The following CCDC149 variants were observed in gnomAD, a reference collection of about 807,000 sequenced individuals.
CCDC149 encodes coiled-coil domain containing 149, also known as coiled-coil domain-containing protein 149.
A neutral mutation model predicts 59.9 loss-of-function variants in CCDC149; 45 were observed. The observed-to-expected ratio is 0.75, with a 90% CI of 0.59 to 0.96. The LOEUF (loss-of-function observed/expected upper bound fraction) is 0.96. Among genes scored for constraint, CCDC149 ranks in the 40% least tolerant of loss-of-function variants. The pLI, the probability that CCDC149 is intolerant of heterozygous loss-of-function variation, is 0.00. For missense variants in CCDC149, 584 were observed against 664.7 expected (o/e 0.88, Z 1.33); for synonymous variants, 245 against 260.6 (o/e 0.94, Z 0.58).
intron 1 of CCDC149, among the ~76,000 whole-genome samples, chr4:24,920,331 G>A (rs971916348): frequency 6.6e-6 from 1 of 152,234 alleles, no homozygotes; most frequent in Admixed American, 6.5e-5. Context: ...TTGGCTGGGA[G>A]CTTAGCTGAG....
chr4:24,944,307 CCAAA>C (rs895726246), intron 1 of CCDC149, among the ~76,000 whole-genome samples: 6 of 151,914 alleles, frequency 3.9e-5, no homozygotes, highest in Admixed American at 1.3e-4. Flanking sequence ...GGACTAAAAA[CCAAA>C]CACCGCATGT....
At position 24,890,330 on chromosome 4, in the gene CCDC149, C is replaced by T. The variant is rs147911776; in HGVS notation, c.64-13633G>A. Among the ~76,000 whole-genome samples, 959 of 152,158 alleles carry T rather than the reference C, an allele frequency of 6.3e-3. 18 individuals are homozygous for T. Among genetic ancestry groups the T allele is most frequent in the African/African-American group, 0.021 (887 of 41,494 alleles). ...AAACATCATTACCCCCCTTTACAGG[C>T]GAAGAAACTAAGGCTCTAAGAGTTT... On this transcript the variant is annotated intron_variant, in intron 1 of 12. Coordinates refer to ENST00000635206, the MANE Select transcript of CCDC149 (RefSeq NM_001330643.2).
intron 1 of CCDC149, among the ~76,000 whole-genome samples, chr4:24,893,529 T>C (rs2109290593): frequency 6.7e-6 from 1 of 149,984 alleles, no homozygotes; most frequent in South Asian, 2.1e-4. Context: ...GACACAAAAG[T>C]AAGTAAGCAG....
In CCDC149 at chr4:24,849,543, T is replaced by C. The variant is rs1455125788; in HGVS notation, c.372+3529A>G. Among the ~76,000 whole-genome samples, 3 of 152,170 alleles carry C rather than the reference T, an allele frequency of 2.0e-5. No individual in the cohort carries two copies. The East Asian group carries it at 5.8e-4, about 29-fold the overall frequency. The stretch of plus-strand genomic sequence containing the variant: ...CACAAGAACGCTGCCCCCTGCCCCA[T>C]GTGAGAGCTAAGCTGCTTGGAAGCC... On this transcript the variant is annotated intron_variant, in intron 4 of 12. Transcript: ENST00000635206.
chr4:24,948,311 C>T (rs762882529), intron 1 of CCDC149, among the ~76,000 whole-genome samples: 4 of 152,208 alleles, frequency 2.6e-5, no homozygotes, highest in Non-Finnish European at 5.9e-5. Context: ...CTACCTCAAT[C>T]TCCACCCTTG....
intron 1 of CCDC149, among the ~76,000 whole-genome samples, chr4:24,884,738 C>T (rs1720054725): frequency 6.6e-6 from 1 of 152,192 alleles, no homozygotes; most frequent in Admixed American, 6.5e-5. Flanking sequence ...AAGATATTTA[C>T]AGCATCTTCG....
At chr4:24,954,360 C>A (rs1335388845) in intron 1 of CCDC149, among the ~76,000 whole-genome samples, 1 of 152,206 alleles carries the variant, frequency 6.6e-6, no homozygotes, top group Non-Finnish European at 1.5e-5. Context: ...GCCCTGCCCC[C>A]AAGACTCCAC....
At chr4:24,853,345 A>G in intron 3 of CCDC149, 166 bp from the exon 4 acceptor site, 1 of 608,824 alleles carries the variant, frequency 1.6e-6, no homozygotes, top group South Asian at 2.0e-5. Context: ...TCACACCACT[A>G]CAATGGCACG....
At chr4:24,895,835 C>T (rs1235621160) in intron 1 of CCDC149, among the ~76,000 whole-genome samples, 2 of 152,214 alleles carry the variant, frequency 1.3e-5, no homozygotes, top group Non-Finnish European at 2.9e-5. Context: ...TGACCTGACC[C>T]CACTCTTGAG....
At chr4:24,914,678 TCA>T (rs1019580732), upstream of CCDC149, among the ~76,000 whole-genome samples, 7 of 149,762 alleles carry the variant, frequency 4.7e-5, no homozygotes, top group Non-Finnish European at 1.0e-4. Context: ...ACTAGCTGAC[TCA>T]CAGCATCACA....
intron 1 of CCDC149, among the ~76,000 whole-genome samples, chr4:24,894,126 A>G (rs1227509068): frequency 6.6e-6 from 1 of 152,206 alleles, no homozygotes; most frequent in Non-Finnish European, 1.5e-5. Flanking sequence ...TGAAAGTCAT[A>G]TGTCAAGCAT....
intron 1 of CCDC149, among the ~76,000 whole-genome samples, chr4:24,964,208 A>T (rs886724980): frequency 7.4e-6 from 1 of 134,684 alleles, no homozygotes; most frequent in Non-Finnish European, 1.7e-5. Context: ...AAAAAAAAAA[A>T]AAAGAGCCAA....
intron 1 of CCDC149, among the ~76,000 whole-genome samples, chr4:24,891,847 A>T (rs1054182898): frequency 6.6e-6 from 1 of 151,934 alleles, no homozygotes; most frequent in Non-Finnish European, 1.5e-5. Context: ...ATTTTTTTTT[A>T]AATTAGCTGG....
intron 1 of CCDC149, among the ~76,000 whole-genome samples, chr4:24,910,891 A>G (rs1721833322): frequency 6.6e-6 from 1 of 152,198 alleles, no homozygotes; most frequent in Non-Finnish European, 1.5e-5. Context: ...AAAATGCTTA[A>G]TATGAAGGAT....
chr4:24,925,225 T>G (rs550915661), intron 1 of CCDC149, among the ~76,000 whole-genome samples: 1 of 152,224 alleles, frequency 6.6e-6, no homozygotes, highest in Non-Finnish European at 1.5e-5. Context: ...GCATTGGTGG[T>G]CACTTGTCCA....
intron 1 of CCDC149, among the ~76,000 whole-genome samples, chr4:24,907,838 G>A (rs1721622894): frequency 6.6e-6 from 1 of 152,174 alleles, no homozygotes; most frequent in Admixed American, 6.5e-5. Flanking sequence ...CCCCAGTGAG[G>A]CTCTCAGGGA....
Position 24,822,578 on chromosome 4 carries a change from A to T in CCDC149, c.966-5T>A. 1 of 1,529,590 alleles carries T rather than the reference A, an allele frequency of 6.5e-7. No homozygotes were observed. Among genetic ancestry groups the T allele is most frequent in the Non-Finnish European group, 8.8e-7 (1 of 1,137,944 alleles). The allele number at this position is 1,529,590 out of a possible 1,614,324, so 94.8% of individuals were successfully genotyped here. A position where few individuals can be genotyped will look rare whatever the true frequency, so the allele number is the denominator to read the frequency against. The stretch of plus-strand genomic sequence containing the variant: ...GCCACCCGATTCCCTAGGATTCTGA[A>T]AAAAGGGGAGAAAATGACAATCAAT... On this transcript the variant is annotated splice_polypyrimidine_tract_variant and splice_region_variant and intron_variant, in intron 9 of 12. Coordinates refer to ENST00000635206, the MANE Select transcript of CCDC149 (RefSeq NM_001330643.2).
chr4:24,873,571 G>C (rs1719192977), intron 3 of CCDC149, 110 bp downstream of exon 3: 1 of 796,942 alleles, frequency 1.3e-6, no homozygotes, highest in Admixed American at 2.2e-5. Flanking sequence ...CCCAATAACA[G>C]AAAGAATTCC....
chr4:24,927,848 A>C (rs924310980), intron 1 of CCDC149, among the ~76,000 whole-genome samples: 3 of 151,764 alleles, frequency 2.0e-5, no homozygotes, highest in Admixed American at 2.0e-4. Flanking sequence ...CAGGGGATAT[A>C]TATATGCTTG....
Sources: allele counts gnomAD v4.1 joint callset (sites outside exome capture counted in the v4.1 genomes callset), GRCh38; gene constraint gnomAD v4.1.1; transcripts MANE v1.5; gene names NCBI Gene and HGNC (gene_info 2026-07-23, HGNC 2026-07-21).